CADM2: variants seen among roughly 807,000 people sequenced by gnomAD.
CADM2 encodes cell adhesion molecule 2.
Under a neutral mutation model 49.8 loss-of-function variants are expected in CADM2, and 12 were observed. The ratio of observed to expected loss-of-function variants is 0.24; its 90% CI spans 0.15 to 0.39. The LOEUF (loss-of-function observed/expected upper bound fraction) is 0.39, where lower values mean the gene tolerates loss of function less well. Ranked by LOEUF, CADM2 falls within the 10% of genes least tolerant of loss-of-function variation. CADM2 has a pLI of 1.00. For missense variants in CADM2, 378 were observed against 492.3 expected (o/e 0.77, Z 2.20); for synonymous variants, 214 against 175.4 (o/e 1.22, Z -1.74).
At chr3:85,491,409 C>G (rs1486525692) in intron 1 of CADM2, among the ~76,000 whole-genome samples, 1 of 152,078 alleles carries the variant, frequency 6.6e-6, no homozygotes, top group Non-Finnish European at 1.5e-5. Flanking sequence ...AGTATACATT[C>G]TCTTTAATGG....
At chr3:85,172,300 A>G (rs2040649817) in intron 1 of CADM2, among the ~76,000 whole-genome samples, 1 of 152,226 alleles carries the variant, frequency 6.6e-6, no homozygotes, top group Admixed American at 6.5e-5. Context: ...ATTGTAAAAA[A>G]GAGAGTTCAA....
intron 5 of CADM2, among the ~76,000 whole-genome samples, chr3:85,900,180 T>A (rs1178762977): frequency 6.6e-6 from 1 of 152,236 alleles, no homozygotes; most frequent in Non-Finnish European, 1.5e-5. Flanking sequence ...TAAAAATTAT[T>A]GTTTTCAGGT....
intron 1 of CADM2, among the ~76,000 whole-genome samples, chr3:85,134,575 A>G (rs1559681786): frequency 2.0e-5 from 3 of 152,214 alleles, no homozygotes; most frequent in Admixed American, 1.3e-4. Flanking sequence ...TTTAGTACCA[A>G]TATATCTGTT....
intron 6 of CADM2, among the ~76,000 whole-genome samples, chr3:85,925,037 T>C (rs1319549057): frequency 1.3e-5 from 2 of 152,200 alleles, no homozygotes; most frequent in Non-Finnish European, 2.9e-5. Flanking sequence ...CTTAAATCCC[T>C]TCTTTTCTTT....
At chr3:85,541,551 C>T (rs17517080) in intron 1 of CADM2, among the ~76,000 whole-genome samples, 1 of 149,358 alleles carries the variant, frequency 6.7e-6, no homozygotes, top group African/African-American at 2.5e-5. Flanking sequence ...GTAAATGCCA[C>T]ACTTCAGAGA....
intron 2 of CADM2, among the ~76,000 whole-genome samples, chr3:85,768,137 T>A (rs1336145119): frequency 6.6e-6 from 1 of 152,142 alleles, no homozygotes; most frequent in Non-Finnish European, 1.5e-5. Flanking sequence ...TCAGGTTACA[T>A]GGATATTTAT....
At chr3:85,368,656 A>G (rs2032976568) in intron 1 of CADM2, among the ~76,000 whole-genome samples, 1 of 152,028 alleles carries the variant, frequency 6.6e-6, no homozygotes, top group Non-Finnish European at 1.5e-5. Flanking sequence ...AATATCTTCT[A>G]GAAATGTAAG....
intron 1 of CADM2, among the ~76,000 whole-genome samples, chr3:85,575,211 A>G (rs957955572): frequency 2.0e-5 from 3 of 152,172 alleles, no homozygotes; most frequent in Non-Finnish European, 2.9e-5. Context: ...TCTATTTTCA[A>G]TTAGAATCTT....
chr3:85,823,605 T>C (rs920837785), intron 3 of CADM2, among the ~76,000 whole-genome samples: 4 of 152,148 alleles, frequency 2.6e-5, no homozygotes, highest in East Asian at 3.9e-4. Context: ...CTTTGCAGAG[T>C]TGTTGTTAAG....
At chr3:85,521,871 A>C (rs577107012) in intron 1 of CADM2, among the ~76,000 whole-genome samples, 1 of 152,210 alleles carries the variant, frequency 6.6e-6, no homozygotes, top group African/African-American at 2.4e-5. Flanking sequence ...GTAGCTGAAA[A>C]TGAATGCTGC....
intron 1 of CADM2, among the ~76,000 whole-genome samples, chr3:85,318,565 C>A (rs1410914198): frequency 6.6e-6 from 1 of 152,050 alleles, no homozygotes; most frequent in Non-Finnish European, 1.5e-5. Flanking sequence ...AAACAAGGTC[C>A]AAACTAATAG....
intron 3 of CADM2, among the ~76,000 whole-genome samples, chr3:85,822,016 T>G (rs1364449072): frequency 6.6e-6 from 1 of 152,218 alleles, no homozygotes; most frequent in African/African-American, 2.4e-5. Flanking sequence ...ATTTTTCATA[T>G]TAAATGTCTA....
intron 1 of CADM2, among the ~76,000 whole-genome samples, chr3:85,270,022 A>C (rs2043204317): frequency 6.6e-6 from 1 of 151,234 alleles, no homozygotes; most frequent in African/African-American, 2.4e-5. Flanking sequence ...CATCATCTTC[A>C]TCTATAAATA....
At chr3:85,711,948 CT>C (rs1424124973) in intron 1 of CADM2, among the ~76,000 whole-genome samples, 1 of 152,184 alleles carries the variant, frequency 6.6e-6, no homozygotes, top group African/African-American at 2.4e-5. Flanking sequence ...CAGCAGCTCA[CT>C]TACCTGTAGC....
chr3:85,618,041 A>T (rs2063846752), intron 1 of CADM2, among the ~76,000 whole-genome samples: 1 of 152,162 alleles, frequency 6.6e-6, no homozygotes, highest in Non-Finnish European at 1.5e-5. Context: ...TGATATTTTA[A>T]ACATACAGTC....
chr3:85,652,985 G>C (rs1020301197), intron 1 of CADM2, among the ~76,000 whole-genome samples: 10 of 151,466 alleles, frequency 6.6e-5, no homozygotes, highest in Admixed American at 2.0e-4. Context: ...ATGTTGGTCA[G>C]GCTGGTCTCC....
chr3:85,607,357 G>T (rs2063563720), intron 1 of CADM2, among the ~76,000 whole-genome samples: 1 of 152,118 alleles, frequency 6.6e-6, no homozygotes, highest in Non-Finnish European at 1.5e-5. Context: ...GGGACAGTGT[G>T]CAGGGGAGAA....
intron 1 of CADM2, among the ~76,000 whole-genome samples, chr3:85,282,251 C>CTT (rs1344833906): frequency 2.0e-3 from 155 of 76,960 alleles, no homozygotes; most frequent in African/African-American, 7.8e-3. Flanking sequence ...GGTTTGGGGG[C>CTT]TTTTTTTTTT....
intron 1 of CADM2, among the ~76,000 whole-genome samples, chr3:85,411,869 A>C (rs554891638): frequency 6.6e-6 from 1 of 152,206 alleles, no homozygotes; most frequent in African/African-American, 2.4e-5. Context: ...ATGGGGTCTC[A>C]ATCTTTCACC....
Sources: allele counts gnomAD v4.1 joint callset (sites outside exome capture counted in the v4.1 genomes callset), GRCh38; gene constraint gnomAD v4.1.1; transcripts MANE v1.5; gene names NCBI Gene and HGNC (gene_info 2026-07-23, HGNC 2026-07-21).